The following PGLYRP1 variants were observed in gnomAD, a reference collection of about 807,000 sequenced individuals.
PGLYRP1 encodes the protein TNF superfamily, member 3 (LTB)-like (peptidoglycan recognition protein).
Under a neutral mutation model 16.3 loss-of-function variants are expected in PGLYRP1, and 18 were observed. The observed-to-expected ratio is 1.11, with a 90% CI of 0.77 to 1.64. PGLYRP1 has a LOEUF of 1.64. Ranked by LOEUF, PGLYRP1 falls within the 40% of genes most tolerant of loss-of-function variation. PGLYRP1 has a pLI of 0.00. For missense variants in PGLYRP1, 261 were observed against 268.6 expected, an observed-to-expected ratio of 0.97 and a Z score of 0.20; for synonymous variants, 89 against 105.7, an observed-to-expected ratio of 0.84 and a Z score of 0.97.
Position 46,022,806 on chromosome 19 carries a change from C to T in PGLYRP1, c.216G>A (p.Ser72=). Residue 72 remains serine (S), a synonymous_variant, in exon 1 of 3, where the codon TCG becomes TCA. Transcript: ENST00000008938. ...TAGSSCNTPA[S]CQQQARNVQH... Reference sequence around the variant, plus strand: ...GCACATTCCGGGCCTGCTGCTGGCACGAGGCGGGGGTGTTGCAGCTGCTGC... The same window carrying T: ...GCACATTCCGGGCCTGCTGCTGGCATGAGGCGGGGGTGTTGCAGCTGCTGC... 6.2e-7 allele frequency: 1 copy of T among 1,614,102 alleles called. No homozygotes were observed. The highest frequency in any genetic ancestry group is 8.5e-7 in the Non-Finnish European group (1 of 1,179,996).
At chr19:46,021,170 G>A (rs1969040164) in intron 1 of PGLYRP1, 1 of 152,282 alleles carries the variant, frequency 6.6e-6, no homozygotes, top group African/African-American at 2.4e-5. Context: ...CCTAAAAGCT[G>A]AGGGCCAGAC....
In PGLYRP1 at chr19:46,019,469, G is replaced by T. The variant is rs752894298; in HGVS notation, c.410-50C>A. The T allele has an allele frequency of 6.2e-7, 1 of 1,612,320 alleles. No individual in the cohort carries two copies. Among genetic ancestry groups the T allele is most frequent in the Admixed American group, 1.7e-5 (1 of 59,926 alleles). ...AGGCAGGGGCTTCCCCGAAGGGGAA[G>T]TGATAGCGTAGGGCCCCGTGTCAGC... On this transcript the variant is annotated intron_variant, in intron 2 of 2. Transcript: ENST00000008938. This position sits in a 1 kb window ranked among gnomAD's most constrained non-coding sequence, Gnocchi z 4.8.
rs557515361 is a variant in PGLYRP1, at chr19:46,019,733, C to T, written c.288-86G>A. 5.7e-6 allele frequency: 8 copies of T among 1,401,312 alleles called. No homozygotes were observed. The highest frequency in any genetic ancestry group is 2.4e-5 in the East Asian group (1 of 42,134). 86.8% of individuals were successfully genotyped at this position (1,401,312 alleles called of 1,614,324 possible). On this transcript the variant is annotated intron_variant, in intron 1 of 2. Transcript: ENST00000008938. The surrounding 1 kb of genome is among the most constrained non-coding windows in gnomAD (Gnocchi z 4.8). ...CTCCTTCCTCCACTCACCCTGCCTC[C>T]GTTACTGCCGTGGTGCACACAACTT...
In PGLYRP1 at chr19:46,022,847, C is replaced by T. The variant is rs766504342; in HGVS notation, c.175G>A (p.Val59Ile). 1 of 1,613,406 alleles carries T rather than the reference C, an allele frequency of 6.2e-7. No individual in the cohort carries two copies. The highest frequency in any genetic ancestry group is 8.5e-7 in the Non-Finnish European group (1 of 1,179,678). Residue 59 changes from valine to isoleucine, a missense_variant, in exon 1 of 3, where the codon GTA becomes ATA. Physicochemically the swap from Val to Ile is conservative, Grantham distance 29. Transcript: ENST00000008938. ...HLSLPLRYVVVSHTAGSSCNT... is the reference protein window; with the variant it reads ...HLSLPLRYVVISHTAGSSCNT... Reference sequence around the variant, plus strand: ...CAGCTGCTGCCCGCCGTGTGCGATACCACCACATAGCGTAAGGGCAGGCTC... The same window carrying T: ...CAGCTGCTGCCCGCCGTGTGCGATATCACCACATAGCGTAAGGGCAGGCTC...
At position 46,022,865 on chromosome 19, in the gene PGLYRP1, G is replaced by A; in HGVS notation, c.157C>T (p.Pro53Ser). ...ASECAQHLSL[P>S]LRYVVVSHTA... ...TGCGATACCACCACATAGCGTAAGG[G>A]CAGGCTCAGGTGCTGGGCGCACTCT... The change falls in exon 1 of 3, where the codon CCC becomes TCC. Residue 53 changes from proline to serine, a missense_variant. Pro to Ser is a moderately conservative substitution (Grantham distance 74). Transcript: ENST00000008938. 1.2e-6 allele frequency: 2 copies of A among 1,613,342 alleles called. No individual in the cohort carries two copies. Among genetic ancestry groups the A allele is most frequent in the Non-Finnish European group, 1.7e-6 (2 of 1,179,680 alleles).
chr19:46,022,734 C>A lies in PGLYRP1; in HGVS notation c.287+1G>T, dbSNP rs1299256899. On this transcript the variant is annotated splice_donor_variant, in intron 1 of 2. Coordinates refer to ENST00000008938, the MANE Select transcript of PGLYRP1 (RefSeq NM_005091.3). LOFTEE classifies it high-confidence loss of function. ...AGCCCGTGCCCCCCTGCCACACTCA[C>A]TTGTAGCCCACGTCGCACCAGCCCA... 4 of 1,614,014 alleles carry A rather than the reference C, an allele frequency of 2.5e-6. No homozygotes were observed. Among genetic ancestry groups the A allele is most frequent in the South Asian group, 2.2e-5 (2 of 91,070 alleles).
intron 1 of PGLYRP1, among the ~76,000 whole-genome samples, chr19:46,022,319 G>A (rs1969053200): frequency 6.6e-6 from 1 of 152,200 alleles, no homozygotes; most frequent in South Asian, 2.1e-4. Flanking sequence ...GGGAGGACCC[G>A]CCCCAGGCCT....
intron 1 of PGLYRP1, chr19:46,021,004 C>G (rs1329062924): frequency 6.6e-6 from 1 of 152,386 alleles, no homozygotes; most frequent in Non-Finnish European, 1.5e-5. Flanking sequence ...TCTCCCTGGT[C>G]ATTTGTTGCA....
Position 46,019,183 on chromosome 19 carries a change from AC to A in PGLYRP1, c.*54del. 6.8e-7 allele frequency: 1 copy of A among 1,474,692 alleles called. No individual in the cohort carries two copies. The highest frequency in any genetic ancestry group is 1.1e-5 in the South Asian group (1 of 87,532). The allele number at this position is 1,474,692 out of a possible 1,614,324, so 91.4% of individuals were successfully genotyped here. ...AGCTACATCTTTATTGGAGAAGGAGACAGTGGGGTTTTTGGCCATGGGAGGG... is the reference window on the plus strand; with the variant it reads ...AGCTACATCTTTATTGGAGAAGGAGAAGTGGGGTTTTTGGCCATGGGAGGG... On this transcript the variant is annotated 3_prime_UTR_variant, in exon 3 of 3. Coordinates refer to ENST00000008938, the MANE Select transcript of PGLYRP1 (RefSeq NM_005091.3). This position sits in a 1 kb window ranked among gnomAD's most constrained non-coding sequence, Gnocchi z 4.8.
chr19:46,020,689 C>T (rs1319840129), intron 1 of PGLYRP1, among the ~76,000 whole-genome samples: 4 of 152,210 alleles, frequency 2.6e-5, no homozygotes, highest in Admixed American at 2.0e-4. Flanking sequence ...TCTGATTGAG[C>T]GTGTCTGACT....
At position 46,019,719 on chromosome 19, in the gene PGLYRP1, A is replaced by G. The variant is rs1969023695; in HGVS notation, c.288-72T>C. On this transcript the variant is annotated intron_variant, in intron 1 of 2. Coordinates refer to ENST00000008938, the MANE Select transcript of PGLYRP1 (RefSeq NM_005091.3). This position sits in a 1 kb window ranked among gnomAD's most constrained non-coding sequence, Gnocchi z 4.8. ...GAGGAGGACTCCTCCTCCTTCCTCC[A>G]CTCACCCTGCCTCCGTTACTGCCGT... 1 of 1,505,582 alleles carries G rather than the reference A, an allele frequency of 6.6e-7. No homozygotes were observed. Among genetic ancestry groups the G allele is most frequent in the East Asian group, 2.3e-5 (1 of 43,372 alleles). The allele number at this position is 1,505,582 out of a possible 1,614,324, so 93.3% of individuals were successfully genotyped here.
chr19:46,019,487 G>T lies in PGLYRP1; in HGVS notation c.409+39C>A, dbSNP rs768535515. 4 of 1,612,794 alleles carry T rather than the reference G, an allele frequency of 2.5e-6. No individual in the cohort carries two copies. The Admixed American group carries it at 5.0e-5, about 20-fold the overall frequency. On this transcript the variant is annotated intron_variant, in intron 2 of 2. Coordinates refer to ENST00000008938, the MANE Select transcript of PGLYRP1 (RefSeq NM_005091.3). The surrounding 1 kb of genome is among the most constrained non-coding windows in gnomAD (Gnocchi z 4.8). Reference sequence around the variant, plus strand: ...AGGGGAAGTGATAGCGTAGGGCCCCGTGTCAGCCCCCATCCCAACTGGCTG... The same window carrying T: ...AGGGGAAGTGATAGCGTAGGGCCCCTTGTCAGCCCCCATCCCAACTGGCTG...
chr19:46,022,859 G>GT lies in PGLYRP1; in HGVS notation c.162dup (p.Arg55ThrfsTer147). 2 of 1,613,306 alleles carry GT rather than the reference G, an allele frequency of 1.2e-6. No individual in the cohort carries two copies. Among genetic ancestry groups the GT allele is most frequent in the South Asian group, 2.2e-5 (2 of 90,930 alleles). On this transcript the variant is annotated frameshift_variant, in exon 1 of 3. Transcript: ENST00000008938. LOFTEE classifies it high-confidence loss of function. Reference sequence around the variant, plus strand: ...GCCGTGTGCGATACCACCACATAGCGTAAGGGCAGGCTCAGGTGCTGGGCG... The same window carrying GT: ...GCCGTGTGCGATACCACCACATAGCGTTAAGGGCAGGCTCAGGTGCTGGGCG...
In PGLYRP1 at chr19:46,019,927, G is replaced by C. The variant is rs921504990; in HGVS notation, c.288-280C>G. 6.6e-5 allele frequency among the ~76,000 whole-genome samples: 10 copies of C among 152,092 alleles called. No homozygotes were observed. The highest frequency in any genetic ancestry group is 1.2e-4 in the Non-Finnish European group (8 of 68,014). On this transcript the variant is annotated intron_variant, in intron 1 of 2. Transcript: ENST00000008938. The surrounding 1 kb of genome is among the most constrained non-coding windows in gnomAD (Gnocchi z 4.8). ...CGTTTTATATAGACAGAATCAGAGC[G>C]GTAGAATCACCTGCCCCGGGGTCAC... is the stretch of plus-strand genomic sequence containing the variant.
chr19:46,022,581 G>C (rs1449745042), intron 1 of PGLYRP1, among the ~76,000 whole-genome samples, 154 bp downstream of exon 1: 2 of 152,260 alleles, frequency 1.3e-5, no homozygotes, highest in Non-Finnish European at 2.9e-5. Context: ...GTGGTGACCC[G>C]AGGAAGAAAT....
At chr19:46,021,737 C>T (rs993424164) in intron 1 of PGLYRP1, among the ~76,000 whole-genome samples, 2 of 152,182 alleles carry the variant, frequency 1.3e-5, no homozygotes, top group South Asian at 2.1e-4. Flanking sequence ...GCTCCCATCT[C>T]GGAGTAAAAG....
chr19:46,020,245 A>C (rs1415079694), intron 1 of PGLYRP1, among the ~76,000 whole-genome samples: 1 of 151,354 alleles, frequency 6.6e-6, no homozygotes, highest in African/African-American at 2.4e-5. Context: ...AGTACCTGGG[A>C]TTACAAGCAT....
chr19:46,020,042 C>G (rs1168961519), intron 1 of PGLYRP1, among the ~76,000 whole-genome samples: 3 of 151,912 alleles, frequency 2.0e-5, no homozygotes, highest in Non-Finnish European at 2.9e-5. Context: ...TCCTGCCTCC[C>G]TAGAGGATTT....
chr19:46,019,605 G>T lies in PGLYRP1; in HGVS notation c.330C>A (p.Gly110=). Residue 110 remains glycine (G), a synonymous_variant, in exon 2 of 3, where the codon GGC becomes GGA. Coordinates refer to ENST00000008938, the MANE Select transcript of PGLYRP1 (RefSeq NM_005091.3). The surrounding 1 kb of genome is among the most constrained non-coding windows in gnomAD (Gnocchi z 4.8). ...CTGAGTGGGCACCCGTGAAGTTCCA[G>T]CCACGGCCCTCGTATACGAGCCCGT... ...GEDGLVYEGR[G]WNFTGAHSGH... is the part of the protein sequence containing the mutation. 1 of 1,613,970 alleles carries T rather than the reference G, an allele frequency of 6.2e-7. No homozygotes were observed. Among genetic ancestry groups the T allele is most frequent in the African/African-American group, 1.3e-5 (1 of 75,024 alleles).
Sources: gnomAD v4.1 joint callset for allele counts (sites outside exome capture counted in the v4.1 genomes callset) on GRCh38, gnomAD v4.1.1 for gene constraint, Gnocchi (gnomAD v3.1) non-coding constraint, MANE v1.5 for transcripts, NCBI Gene and HGNC (gene_info 2026-07-23, HGNC 2026-07-21) for gene names.